The following CORIN variants were observed in gnomAD, a reference collection of about 807,000 sequenced individuals.
The protein encoded by CORIN is corin, serine peptidase.
Under a neutral mutation model 125.3 loss-of-function variants are expected in CORIN, and 117 were observed. That is an observed-to-expected ratio of 0.93 (90% confidence interval 0.80 to 1.09). CORIN has a LOEUF of 1.09. Ranked by LOEUF, CORIN falls within the 50% of genes least tolerant of loss-of-function variation. The pLI is 0.00. For synonymous variants in CORIN, 450 were observed against 466.4 expected, an observed-to-expected ratio of 0.96 and a Z score of 0.45; for missense variants, 1,253 against 1,306.7, an observed-to-expected ratio of 0.96 and a Z score of 0.63.
At chr4:47,681,922 A>T (rs953923332) in intron 7 of CORIN, 1 of 152,212 alleles carries the variant, frequency 6.6e-6, no homozygotes, top group Non-Finnish European at 1.5e-5. Flanking sequence ...GGAGAAGAAA[A>T]TATGGTACAT....
At chr4:47,692,797 T>C (rs181458019) in intron 6 of CORIN, among the ~76,000 whole-genome samples, 173 bp downstream of exon 6, 79 of 152,314 alleles carry the variant, frequency 5.2e-4, no homozygotes, top group Non-Finnish European at 1.1e-3. Context: ...GAGCTCCTAA[T>C]AAACCATGCC....
chr4:47,773,649 T>C (rs923237651), intron 3 of CORIN, among the ~76,000 whole-genome samples: 1 of 152,130 alleles, frequency 6.6e-6, no homozygotes, highest in Non-Finnish European at 1.5e-5. Flanking sequence ...AATAAGATCG[T>C]AAGGAAAGGC....
chr4:47,644,612 A>G (rs1178416158), intron 14 of CORIN, among the ~76,000 whole-genome samples: 2 of 152,176 alleles, frequency 1.3e-5, no homozygotes, highest in South Asian at 4.1e-4. Flanking sequence ...CCACCCAAAG[A>G]CTATAACTGT....
intron 6 of CORIN, among the ~76,000 whole-genome samples, chr4:47,689,941 C>T (rs983938844): frequency 2.6e-5 from 4 of 152,132 alleles, no homozygotes; most frequent in Admixed American, 2.0e-4. Context: ...CTGCCTAAAG[C>T]CACAGAGGTA....
At chr4:47,801,842 C>T (rs1731558861) in intron 2 of CORIN, among the ~76,000 whole-genome samples, 1 of 152,256 alleles carries the variant, frequency 6.6e-6, no homozygotes, top group Non-Finnish European at 1.5e-5. Context: ...GACTGCAATT[C>T]CTAGGCAAGC....
intron 5 of CORIN, among the ~76,000 whole-genome samples, chr4:47,715,989 G>A (rs1727072213): frequency 6.6e-6 from 1 of 152,198 alleles, no homozygotes; most frequent in African/African-American, 2.4e-5. Context: ...AGAAAGGGAA[G>A]TAGAAGAATT....
intron 1 of CORIN, among the ~76,000 whole-genome samples, chr4:47,833,457 A>C (rs1408326087): frequency 6.6e-6 from 1 of 151,990 alleles, no homozygotes; most frequent in South Asian, 2.1e-4. Flanking sequence ...GAAAGAAAAC[A>C]TAAAGGAAAA....
At chr4:47,673,015 CTT>C (rs1161336348) in intron 10 of CORIN, among the ~76,000 whole-genome samples, 8 of 152,046 alleles carry the variant, frequency 5.3e-5, no homozygotes. Flanking sequence ...AGGCCGAAGA[CTT>C]TCAGCATCCC....
chr4:47,680,361 C>A, intron 7 of CORIN, 110 bp from the exon 8 acceptor site: 2 of 699,544 alleles, frequency 2.9e-6, no homozygotes, highest in Non-Finnish European at 5.0e-6. Flanking sequence ...GCTCCAATAC[C>A]TTCAATAACA....
chr4:47,628,710 C>T (rs1722684859), intron 16 of CORIN, among the ~76,000 whole-genome samples: 1 of 152,060 alleles, frequency 6.6e-6, no homozygotes, highest in African/African-American at 2.4e-5. Context: ...TGAGATCATG[C>T]AGTGTTTGTC....
chr4:47,623,576 G>C lies in CORIN; in HGVS notation c.2535C>G (p.Phe845Leu). Residue 845 changes from phenylalanine to leucine, a missense_variant, in exon 19 of 22, where the codon TTC becomes TTG. Coordinates refer to ENST00000273857, the MANE Select transcript of CORIN (RefSeq NM_006587.4). ...KKWVLTVAHC[F>L]EGRENAAVWK... ...AAAGGAAAGGTGCAGCTTACCCCTC[G>C]AAGCAGTGGGCAACTGTCAGAACCC... 1 of 1,613,992 alleles carries C rather than the reference G, an allele frequency of 6.2e-7. No homozygotes were observed. Among genetic ancestry groups the C allele is most frequent in the Non-Finnish European group, 8.5e-7 (1 of 1,179,916 alleles).
intron 2 of CORIN, among the ~76,000 whole-genome samples, chr4:47,791,110 A>G (rs914839728): frequency 5.9e-5 from 9 of 152,170 alleles, no homozygotes; most frequent in African/African-American, 2.2e-4. Flanking sequence ...GATGTTGCAG[A>G]TGTGATTGAA....
intron 4 of CORIN, among the ~76,000 whole-genome samples, chr4:47,758,416 T>A (rs901740434): frequency 2.0e-5 from 3 of 152,128 alleles, no homozygotes; most frequent in African/African-American, 7.2e-5. Context: ...CAAAGTGATC[T>A]AGAGTCAATG....
At chr4:47,722,987 CTG>C in intron 5 of CORIN, among the ~76,000 whole-genome samples, 1 of 152,336 alleles carries the variant, frequency 6.6e-6, no homozygotes, top group South Asian at 2.1e-4. Flanking sequence ...AATCATGGAA[CTG>C]TGCAGCAGTC....
intron 1 of CORIN, among the ~76,000 whole-genome samples, chr4:47,823,822 T>C (rs1732623367): frequency 6.6e-6 from 1 of 152,224 alleles, no homozygotes; most frequent in South Asian, 2.1e-4. Flanking sequence ...CCAGACGCCG[T>C]GCTCATTCTG....
intron 4 of CORIN, among the ~76,000 whole-genome samples, chr4:47,752,642 T>C (rs576508879): frequency 1.3e-5 from 2 of 152,352 alleles, no homozygotes; most frequent in South Asian, 4.1e-4. Flanking sequence ...AGGGTCTTGT[T>C]TGCTATGCCA....
chr4:47,688,707 CT>C (rs1294173827), intron 6 of CORIN, among the ~76,000 whole-genome samples: 1 of 152,146 alleles, frequency 6.6e-6, no homozygotes, highest in African/African-American at 2.4e-5. Flanking sequence ...TTAACAGTAT[CT>C]TTCTATTTAC....
chr4:47,757,765 T>C (rs1057140403), intron 4 of CORIN, among the ~76,000 whole-genome samples: 2 of 150,480 alleles, frequency 1.3e-5, no homozygotes, highest in African/African-American at 4.9e-5. Context: ...AAAAGTGCCC[T>C]GAAAACTGTA....
chr4:47,609,252 T>A (rs1256818366), intron 19 of CORIN, among the ~76,000 whole-genome samples: 2 of 152,096 alleles, frequency 1.3e-5, no homozygotes, highest in Non-Finnish European at 2.9e-5. Context: ...TTATTTATTT[T>A]TTTTGAGATG....
Sources: allele counts gnomAD v4.1 joint callset (sites outside exome capture counted in the v4.1 genomes callset), GRCh38; gene constraint gnomAD v4.1.1; transcripts MANE v1.5; gene names NCBI Gene and HGNC (gene_info 2026-07-23, HGNC 2026-07-21).